Variants in IGFL4 observed in about 807,000 individuals in gnomAD.
IGFL4 encodes IGF like family member 4.
In IGFL4, 12 loss-of-function variants were observed where a neutral mutation model predicts 15.4. That is an observed-to-expected ratio of 0.78 (90% CI 0.50 to 1.26). The LOEUF (loss-of-function observed/expected upper bound fraction) is 1.26, where lower values mean the gene tolerates loss of function less well. Among genes scored for constraint, IGFL4 ranks in the 50% most tolerant of loss-of-function variants. The probability of loss-of-function intolerance (pLI) is 0.00; values close to 1 mark genes in which losing one functional copy is unlikely to be tolerated. For synonymous variants in IGFL4, 54 were observed against 55.9 expected, an observed-to-expected ratio of 0.97 and a Z score of 0.16; for missense variants, 126 against 147.8, an observed-to-expected ratio of 0.85 and a Z score of 0.76.
At chr19:46,051,404 C>T (rs550558054) in intron 2 of IGFL4, among the ~76,000 whole-genome samples, 3 of 152,068 alleles carry the variant, frequency 2.0e-5, no homozygotes, top group African/African-American at 7.2e-5. Context: ...ATCAGGTGGG[C>T]GTGGTGGCAG....
chr19:46,060,128 C>A (rs1969430861), intron 2 of IGFL4: 1 of 152,164 alleles, frequency 6.6e-6, no homozygotes, highest in Non-Finnish European at 1.5e-5. Flanking sequence ...CAAAAGAAAA[C>A]AGATCCTTAT....
At chr19:46,056,889 C>T (rs761352253) in intron 2 of IGFL4, among the ~76,000 whole-genome samples, 5 of 152,212 alleles carry the variant, frequency 3.3e-5, no homozygotes, top group Admixed American at 6.5e-5. Flanking sequence ...TTCCTGAAAC[C>T]TTTGACCTGA....
chr19:46,052,332 C>A (rs1206149471), intron 2 of IGFL4, among the ~76,000 whole-genome samples: 1 of 152,024 alleles, frequency 6.6e-6, no homozygotes, highest in Non-Finnish European at 1.5e-5. Flanking sequence ...GAAATCAACT[C>A]CAAAAGGAAC....
At chr19:46,062,040 G>A (rs1351963840) in intron 1 of IGFL4, among the ~76,000 whole-genome samples, 1 of 152,126 alleles carries the variant, frequency 6.6e-6, no homozygotes, top group Non-Finnish European at 1.5e-5. Flanking sequence ...AGGGTTTCAT[G>A]AGGAAAACAG....
intron 2 of IGFL4, among the ~76,000 whole-genome samples, chr19:46,047,792 C>CA (rs575595266): frequency 7.6e-4 from 115 of 151,996 alleles, no homozygotes; most frequent in South Asian, 2.1e-3. Context: ...GCCTACCAAC[C>CA]AAAAAAAGCC....
rs554661035 is a variant in IGFL4 at position 46,076,534 on chromosome 19, CT to C, written c.-432+485del. Among the ~76,000 whole-genome samples, 9 of 151,982 alleles carry C rather than the reference CT, an allele frequency of 5.9e-5. No homozygotes were observed. The South Asian group carries it at 1.5e-3, about 25-fold the overall frequency. Reference sequence around the variant, plus strand: ...CCATTTCTCCAAGGACTGTGCAGTCCTTTTTTACACTTCTTTCCTTTTAAAT... The same window carrying C: ...CCATTTCTCCAAGGACTGTGCAGTCCTTTTTACACTTCTTTCCTTTTAAAT... On this transcript the variant is annotated intron_variant, in intron 1 of 5. Coordinates refer to the IGFL4 transcript ENST00000601672.
At chr19:46,072,328 G>A (rs894497432) in intron 1 of IGFL4, among the ~76,000 whole-genome samples, 1 of 152,158 alleles carries the variant, frequency 6.6e-6, no homozygotes, top group Non-Finnish European at 1.5e-5. Flanking sequence ...TGATGGAACT[G>A]GAATCCCTTA....
rs1969233046 is a variant in IGFL4 at position 46,040,655 on chromosome 19, G to A, written c.20-87C>T. On this transcript the variant is annotated intron_variant, in intron 1 of 3. Transcript: ENST00000377697. The surrounding 1 kb of genome is among the most constrained non-coding windows in gnomAD (Gnocchi z 4.1). ...AGGATGATGTCTCTGAGCTTCTCTG[G>A]TTGCTGTTAACAGCTCAGAGTGGAT... is the stretch of plus-strand genomic sequence containing the variant. The A allele has an allele frequency of 6.8e-7, 1 of 1,471,114 alleles. No individual in the cohort carries two copies. Among genetic ancestry groups the A allele is most frequent in the Admixed American group, 1.8e-5 (1 of 55,634 alleles). The allele number at this position is 1,471,114 out of a possible 1,614,324, so 91.1% of individuals were successfully genotyped here.
upstream of IGFL4, among the ~76,000 whole-genome samples, chr19:46,045,921 T>A (rs1969293831): frequency 6.6e-6 from 1 of 152,038 alleles, no homozygotes. Flanking sequence ...AGAACCCCAG[T>A]GAGATACTCC....
intron 1 of IGFL4, among the ~76,000 whole-genome samples, chr19:46,072,531 C>T (rs1969556309): frequency 6.6e-6 from 1 of 152,158 alleles, no homozygotes; most frequent in Non-Finnish European, 1.5e-5. Context: ...AGGGAGATGC[C>T]AATGCCATTG....
chr19:46,043,365 ATT>A (rs1969265021), upstream of IGFL4, among the ~76,000 whole-genome samples: 1 of 152,236 alleles, frequency 6.6e-6, no homozygotes, highest in Non-Finnish European at 1.5e-5. Context: ...TAAGATGTCA[ATT>A]CTCTCCAAAT....
chr19:46,071,009 C>T (rs1969540537), intron 1 of IGFL4, among the ~76,000 whole-genome samples: 1 of 152,152 alleles, frequency 6.6e-6, no homozygotes, highest in Admixed American at 6.5e-5. Flanking sequence ...TGGAGTACAG[C>T]TCCCAACAAG....
intron 2 of IGFL4, among the ~76,000 whole-genome samples, chr19:46,048,708 A>C (rs1007469383): frequency 3.9e-5 from 6 of 152,284 alleles, no homozygotes; most frequent in Non-Finnish European, 8.8e-5. Context: ...TACAGCTAAC[A>C]AGGAAAGTGA....
At position 46,040,697 on chromosome 19, in the gene IGFL4, G is replaced by A. The variant is rs1969233396; in HGVS notation, c.20-129C>T. ...AGAGTGGATTTTGGGACTGGCTGTG[G>A]GTGCAGGTCCTGGGGACTGGGCTTG... On this transcript the variant is annotated intron_variant, in intron 1 of 3. Transcript: ENST00000377697. The surrounding 1 kb of genome is among the most constrained non-coding windows in gnomAD (Gnocchi z 4.1). The A allele has an allele frequency of 1.8e-6, 2 of 1,119,906 alleles. No individual in the cohort carries two copies. Among genetic ancestry groups the A allele is most frequent in the Non-Finnish European group, 2.7e-6 (2 of 753,292 alleles). 69.4% of individuals were successfully genotyped at this position (1,119,906 alleles called of 1,614,324 possible).
At chr19:46,069,370 G>A (rs538474467) in intron 1 of IGFL4, among the ~76,000 whole-genome samples, 3 of 152,218 alleles carry the variant, frequency 2.0e-5, no homozygotes, top group Non-Finnish European at 4.4e-5. Context: ...ATACAGATAA[G>A]AAACAAATGT....
chr19:46,040,839 A>G lies in IGFL4; in HGVS notation c.19+105T>C, dbSNP rs1199096280. On this transcript the variant is annotated intron_variant, in intron 1 of 3. Coordinates refer to ENST00000377697, the MANE Select transcript of IGFL4 (RefSeq NM_001002923.3). The surrounding 1 kb of genome is among the most constrained non-coding windows in gnomAD (Gnocchi z 4.1). ...CATAGCAGTGATTATGAGGTGGGAC[A>G]CCAATAATTAAATAGGGAAGAGAGA... The G allele has an allele frequency of 9.0e-7, 1 of 1,115,426 alleles. No homozygotes were observed. 69.1% of individuals were successfully genotyped at this position (1,115,426 alleles called of 1,614,324 possible). A position where few individuals can be genotyped will look rare whatever the true frequency, so the allele number is the denominator to read the frequency against.
chr19:46,061,463 GTTGTAAGA>G (rs1262268968), intron 1 of IGFL4, among the ~76,000 whole-genome samples: 1 of 152,178 alleles, frequency 6.6e-6, no homozygotes, highest in Admixed American at 6.5e-5. Flanking sequence ...AGATCCAGTA[GTTGTAAGA>G]TTGTTCATTT....
rs769177050 is a variant in IGFL4, at chr19:46,040,994, C to G, written c.-32G>C. ...GGCTTCAGAGCAGCGGACGAGGGAG[C>G]AGCAGTGGAAATGGGTCAGTGACTT... On this transcript the variant is annotated 5_prime_UTR_variant, in exon 1 of 4. Transcript: ENST00000377697. This position sits in a 1 kb window ranked among gnomAD's most constrained non-coding sequence, Gnocchi z 4.1. The G allele has an allele frequency of 5.7e-6, 9 of 1,565,566 alleles. No individual in the cohort carries two copies. The highest frequency in any genetic ancestry group is 7.8e-6 in the Non-Finnish European group (9 of 1,160,010).
At chr19:46,050,532 G>T (rs1340835008) in intron 2 of IGFL4, among the ~76,000 whole-genome samples, 3 of 152,176 alleles carry the variant, frequency 2.0e-5, no homozygotes, top group East Asian at 1.9e-4. Context: ...GCACTGGAAA[G>T]TCTCAGCGAT....
Sources: allele counts gnomAD v4.1 joint callset (sites outside exome capture counted in the v4.1 genomes callset), GRCh38; gene constraint gnomAD v4.1.1; non-coding constraint Gnocchi (gnomAD v3.1); transcripts MANE v1.5; gene names NCBI Gene and HGNC (gene_info 2026-07-23, HGNC 2026-07-21).